PCDHA8: variants seen among roughly 807,000 people sequenced by gnomAD.
PCDHA8 encodes the protein protocadherin alpha 8.
Under a neutral mutation model 61.8 loss-of-function variants are expected in PCDHA8, and 53 were observed. The ratio of observed to expected loss-of-function variants is 0.86; its 90% CI spans 0.69 to 1.08. The LOEUF (loss-of-function observed/expected upper bound fraction) is 1.08, where lower values mean the gene tolerates loss of function less well. Among genes scored for constraint, PCDHA8 ranks in the 50% least tolerant of loss-of-function variants. The pLI is 0.00. For missense variants in PCDHA8, 1,293 were observed against 1,245.0 expected, an observed-to-expected ratio of 1.04 and a Z score of -0.58; for synonymous variants, 618 against 556.6, an observed-to-expected ratio of 1.11 and a Z score of -1.55.
At chr5:140,908,185 G>C (rs1399259532) in intron 1 of PCDHA8, among the ~76,000 whole-genome samples, 1 of 152,148 alleles carries the variant, frequency 6.6e-6, no homozygotes, top group East Asian at 1.9e-4. Flanking sequence ...TCCACTTTCA[G>C]GTGGTGGACA....
rs1310366696 is a variant in PCDHA8 at position 140,890,210 on chromosome 5, T to A, written c.2394+46495T>A. Among the ~76,000 whole-genome samples the A allele has an allele frequency of 5.3e-5, 8 of 152,148 alleles. 1 individual carries two copies. Among genetic ancestry groups the A allele is most frequent in the Admixed American group, 3.3e-4 (5 of 15,270 alleles). On this transcript the variant is annotated intron_variant, in intron 1 of 3. Coordinates refer to ENST00000531613, the MANE Select transcript of PCDHA8 (RefSeq NM_018911.3). ...AACAGAGTTTTTTGTTTTTCTTTTT[T>A]CCCAGAGACCTAGTTGTTAAGCATT... is the stretch of plus-strand genomic sequence containing the variant.
At chr5:140,966,396 C>T (rs770476013) in intron 1 of PCDHA8, 11 of 405,036 alleles carry the variant, frequency 2.7e-5, no homozygotes, top group Admixed American at 4.4e-5. Flanking sequence ...TCCGCCACTT[C>T]GGCGCGGAAT....
intron 1 of PCDHA8, chr5:140,870,203 T>C (rs782746068): frequency 5.0e-6 from 8 of 1,613,986 alleles, no homozygotes; most frequent in Non-Finnish European, 5.1e-6. Flanking sequence ...CCCAGCACGG[T>C]CATTGCCCTG....
chr5:140,906,243 A>T (rs2072484346), intron 1 of PCDHA8, among the ~76,000 whole-genome samples: 1 of 152,190 alleles, frequency 6.6e-6, no homozygotes, highest in South Asian at 2.1e-4. Flanking sequence ...GTCAACTTGA[A>T]CCCATACACA....
At position 141,010,553 on chromosome 5, in the gene PCDHA8, C is replaced by T; in HGVS notation, c.*616C>T. ...CCACCCTCTAGGAGACAAAACTACC[C>T]CCACTGACAAGGCTTTAGGAGACCC... is the stretch of plus-strand genomic sequence containing the variant. On this transcript the variant is annotated 3_prime_UTR_variant, in exon 4 of 4. Transcript: ENST00000531613. The T allele has an allele frequency of 6.2e-6, 2 of 323,850 alleles. No homozygotes were observed. The highest frequency in any genetic ancestry group is 1.1e-5 in the Non-Finnish European group (2 of 176,368). 20.1% of individuals were successfully genotyped at this position (323,850 alleles called of 1,614,324 possible). A position where few individuals can be genotyped will look rare whatever the true frequency, so the allele number is the denominator to read the frequency against.
intron 3 of PCDHA8, among the ~76,000 whole-genome samples, chr5:141,000,396 T>TCTATAA (rs2097916207): frequency 7.7e-5 from 5 of 65,332 alleles, no homozygotes; most frequent in African/African-American, 3.1e-4. Context: ...TCTCTCTCTC[T>TCTATAA]ATATATATAT....
At chr5:140,875,536 G>A (rs2055577552) in intron 1 of PCDHA8, 2 of 1,614,130 alleles carry the variant, frequency 1.2e-6, no homozygotes, top group Non-Finnish European at 1.7e-6. Flanking sequence ...TCTGCTCCTT[G>A]CAGCCTGGGA....
At chr5:140,863,178 C>T (rs1420894530) in intron 1 of PCDHA8, 2 of 736,748 alleles carry the variant, frequency 2.7e-6, no homozygotes, top group Non-Finnish European at 4.7e-6. Flanking sequence ...TGACTGCCAC[C>T]GTCACCGTGG....
intron 1 of PCDHA8, chr5:140,968,146 T>C: frequency 6.2e-7 from 1 of 1,614,140 alleles, no homozygotes. Flanking sequence ...TTGAGATCTC[T>C]GACATCAATG....
chr5:140,863,354 T>C, intron 1 of PCDHA8: 1 of 1,283,244 alleles, frequency 7.8e-7, no homozygotes, highest in Non-Finnish European at 1.1e-6. Flanking sequence ...TACACGACGC[T>C]GCGGTGCTTG....
chr5:140,853,226 T>G (rs1465630209), intron 1 of PCDHA8: 2 of 982,912 alleles, frequency 2.0e-6, no homozygotes, highest in Non-Finnish European at 2.5e-6. Flanking sequence ...GGATTGGTAA[T>G]TTAGTCCTTC....
At chr5:140,855,994 G>T in intron 1 of PCDHA8, 2 of 1,498,182 alleles carry the variant, frequency 1.3e-6, no homozygotes, top group South Asian at 1.3e-5. Flanking sequence ...ATGTCAGATC[G>T]TATGTGCGTT....
At chr5:140,915,982 G>A (rs1563009608) in intron 1 of PCDHA8, among the ~76,000 whole-genome samples, 3 of 152,230 alleles carry the variant, frequency 2.0e-5, no homozygotes, top group South Asian at 2.1e-4. Flanking sequence ...ATTTGACTAC[G>A]GCTAAGCTGG....
At chr5:140,924,738 T>C (rs2153573504) in intron 1 of PCDHA8, among the ~76,000 whole-genome samples, 1 of 151,522 alleles carries the variant, frequency 6.6e-6, no homozygotes, top group Admixed American at 6.6e-5. Flanking sequence ...CTAATAAAAA[T>C]ACAAAAATTA....
In PCDHA8 at chr5:141,009,947, A is replaced by G; in HGVS notation, c.*10A>G. On this transcript the variant is annotated 3_prime_UTR_variant, in exon 4 of 4. Coordinates refer to ENST00000531613, the MANE Select transcript of PCDHA8 (RefSeq NM_018911.3). ...CAACAGTGACCAGTGAGGTCCTCAAATGGAAACAAGCCACTTAGCCAGTTT... is the reference window on the plus strand; with the variant it reads ...CAACAGTGACCAGTGAGGTCCTCAAGTGGAAACAAGCCACTTAGCCAGTTT... The G allele has an allele frequency of 1.9e-6, 3 of 1,596,272 alleles. No individual in the cohort carries two copies. The South Asian group carries it at 3.4e-5, about 18-fold the overall frequency.
At chr5:140,882,113 G>C in intron 1 of PCDHA8, 1 of 1,394,318 alleles carries the variant, frequency 7.2e-7, no homozygotes, top group South Asian at 1.5e-5. Context: ...GAAGAAAGCC[G>C]CCGTTTCTTT....
At chr5:140,913,959 T>TA (rs1562996315) in intron 1 of PCDHA8, among the ~76,000 whole-genome samples, 4 of 152,166 alleles carry the variant, frequency 2.6e-5, no homozygotes, top group African/African-American at 7.2e-5. Context: ...GATATCATTT[T>TA]TAAAAAAATA....
intron 1 of PCDHA8, chr5:140,858,649 AT>A: frequency 1.2e-6 from 1 of 824,582 alleles, no homozygotes; most frequent in East Asian, 2.7e-5. Flanking sequence ...TGGTACTTAA[AT>A]TTTTTTAAAT....
Position 140,978,953 on chromosome 5 carries a change from G to T in PCDHA8, c.2399G>T (p.Arg800Leu), listed in dbSNP as rs781913955. The T allele has an allele frequency of 6.2e-7, 1 of 1,614,048 alleles. No individual in the cohort carries two copies. Among genetic ancestry groups the T allele is most frequent in the Admixed American group, 1.7e-5 (1 of 59,996 alleles). The change falls in exon 2 of 4, where the codon CGA becomes CTA. Residue 800 changes from arginine to leucine, a missense_variant. Physicochemically the swap from Arg to Leu is moderately radical, Grantham distance 102 (BLOSUM62 -2). Coordinates refer to ENST00000531613, the MANE Select transcript of PCDHA8 (RefSeq NM_018911.3). ...ACTCTCTTTGTGATTTTGCAGCCAC[G>T]ACAGCCCAACCCTGACTGGCGTTAC... ...DLNVDHGLKP[R>L]QPNPDWRYSA... is the part of the protein sequence containing the mutation.
Sources: allele counts gnomAD v4.1 joint callset (sites outside exome capture counted in the v4.1 genomes callset), GRCh38; gene constraint gnomAD v4.1.1; transcripts MANE v1.5; gene names NCBI Gene and HGNC (gene_info 2026-07-23, HGNC 2026-07-21).